Variants in MXD1 observed in about 807,000 individuals in gnomAD.
The protein encoded by MXD1 is MAX-binding protein.
Under a neutral mutation model 25.7 loss-of-function variants are expected in MXD1, and 9 were observed. The observed-to-expected ratio is 0.35, with a 90% CI of 0.21 to 0.61. MXD1 has a LOEUF of 0.61. MXD1 is among the 20% of genes least tolerant of loss of function. MXD1 has a pLI of 0.75. For missense variants in MXD1, 227 were observed against 292.4 expected, an observed-to-expected ratio of 0.78 and a Z score of 1.63; for synonymous variants, 99 against 113.9, an observed-to-expected ratio of 0.87 and a Z score of 0.83.
intron 3 of MXD1, among the ~76,000 whole-genome samples, chr2:69,933,937 A>G (rs140085688): frequency 6.6e-6 from 1 of 152,348 alleles, no homozygotes; most frequent in East Asian, 1.9e-4. Flanking sequence ...GTGTGTGGGC[A>G]ATGAATGTTA....
chr2:69,916,253 G>A, intron 2 of MXD1, 33 bp downstream of exon 2: 2 of 1,317,502 alleles, frequency 1.5e-6, no homozygotes, highest in Non-Finnish European at 2.2e-6. Flanking sequence ...CTGTCTTTTA[G>A]ATTATATTGT....
In MXD1 at chr2:69,942,150, T is replaced by G. The variant is rs1677621100; in HGVS notation, c.*3866T>G. ...TTTCTTGCATGTCAATCTATTCTTTTTCTATGTTTGACTCTGATGCAGTGT... is the reference window on the plus strand; with the variant it reads ...TTTCTTGCATGTCAATCTATTCTTTGTCTATGTTTGACTCTGATGCAGTGT... On this transcript the variant is annotated 3_prime_UTR_variant, in exon 6 of 6. Transcript: ENST00000264444. 6.6e-6 allele frequency: 1 copy of G among 152,218 alleles called. No individual in the cohort carries two copies. The highest frequency in any genetic ancestry group is 1.5e-5 in the Non-Finnish European group (1 of 68,042). 9.4% of individuals were successfully genotyped at this position (152,218 alleles called of 1,614,324 possible).
At chr2:69,937,868 C>A (rs1053598248) in intron 5 of MXD1, among the ~76,000 whole-genome samples, 3 of 152,224 alleles carry the variant, frequency 2.0e-5, no homozygotes, top group Non-Finnish European at 4.4e-5. Context: ...CCCACCTTGG[C>A]CTCCCAAAGT....
At chr2:69,937,102 A>T in intron 4 of MXD1, 133 bp from the exon 5 acceptor site, 1 of 1,161,430 alleles carries the variant, frequency 8.6e-7, no homozygotes, top group South Asian at 1.2e-5. Context: ...TCTCAGGGAG[A>T]AGCTTGATGA....
intron 3 of MXD1, among the ~76,000 whole-genome samples, chr2:69,927,044 G>A (rs1677184274): frequency 6.6e-6 from 1 of 152,202 alleles, no homozygotes; most frequent in African/African-American, 2.4e-5. Context: ...TGTGCTCCAT[G>A]GGGAAGACTC....
At chr2:69,923,581 C>CGTGTGTGT (rs10652254) in intron 3 of MXD1, among the ~76,000 whole-genome samples, 1,890 of 150,400 alleles carry the variant, frequency 0.013, 34 homozygotes, top group African/African-American at 0.04. Flanking sequence ...TATGGAATTT[C>CGTGTGTGT]GTGTGTGTGT....
At position 69,938,876 on chromosome 2, in the gene MXD1, A is replaced by G. The variant is rs948360331; in HGVS notation, c.*592A>G. Reference sequence around the variant, plus strand: ...CGACGCGCCGCGTGTGGATGGGAGCAGTATTTCTCACTTTAAAATGGACAC... The same window carrying G: ...CGACGCGCCGCGTGTGGATGGGAGCGGTATTTCTCACTTTAAAATGGACAC... On this transcript the variant is annotated 3_prime_UTR_variant, in exon 6 of 6. Transcript: ENST00000264444. The G allele has an allele frequency of 6.5e-6, 1 of 152,868 alleles. No homozygotes were observed. The highest frequency in any genetic ancestry group is 1.5e-5 in the Non-Finnish European group (1 of 68,250). The allele number at this position is 152,868 out of a possible 1,614,324, so 9.5% of individuals were successfully genotyped here.
chr2:69,926,339 T>TA (rs553746467), intron 3 of MXD1, among the ~76,000 whole-genome samples: 2 of 144,490 alleles, frequency 1.4e-5, no homozygotes, highest in East Asian at 3.9e-4. Context: ...TTCATTCTCC[T>TA]TTTTTTTTTT....
In MXD1 at chr2:69,915,702, C is replaced by T. The variant is rs1407390729; in HGVS notation, c.73+299C>T. Among the ~76,000 whole-genome samples, 1 of 152,204 alleles carries T rather than the reference C, an allele frequency of 6.6e-6. No individual in the cohort carries two copies. The highest frequency in any genetic ancestry group is 1.9e-4 in the East Asian group (1 of 5,182). The stretch of plus-strand genomic sequence containing the variant: ...GATAGCCTCCCTGGTTTACCTCACC[C>T]GGGCTGGTCCCGGCCGGCCCCCAGG... On this transcript the variant is annotated intron_variant, in intron 1 of 5. Coordinates refer to ENST00000264444, the MANE Select transcript of MXD1 (RefSeq NM_002357.4). This position sits in a 1 kb window ranked among gnomAD's most constrained non-coding sequence, Gnocchi z 5.8.
intron 3 of MXD1, among the ~76,000 whole-genome samples, chr2:69,925,354 T>C (rs560848077): frequency 1.1e-4 from 17 of 152,224 alleles, no homozygotes; most frequent in African/African-American, 3.9e-4. Flanking sequence ...TTGTCCATAG[T>C]TCTAGCACTC....
At chr2:69,931,917 G>A (rs1347975821) in intron 3 of MXD1, among the ~76,000 whole-genome samples, 1 of 152,224 alleles carries the variant, frequency 6.6e-6, no homozygotes, top group African/African-American at 2.4e-5. Context: ...CGGGTGCCAG[G>A]AAGATGGGAG....
At chr2:69,919,608 G>C (rs952464893) in intron 2 of MXD1, among the ~76,000 whole-genome samples, 1 of 152,024 alleles carries the variant, frequency 6.6e-6, no homozygotes, top group Non-Finnish European at 1.5e-5. Flanking sequence ...GCCTCCCAAA[G>C]TGCTGGGATC....
rs192147976 is a variant in MXD1, at chr2:69,936,526, A to G, written c.319-709A>G. ...ATCATATTATAGTTGGACAAATGTT[A>G]CTTTAATTATGGTTAGAAGCCTGCA... On this transcript the variant is annotated intron_variant, in intron 4 of 5. Coordinates refer to ENST00000264444, the MANE Select transcript of MXD1 (RefSeq NM_002357.4). 5.9e-5 allele frequency among the ~76,000 whole-genome samples: 9 copies of G among 152,312 alleles called. No individual in the cohort carries two copies. The East Asian group carries it at 1.4e-3, about 23-fold the overall frequency.
chr2:69,933,657 T>G (rs955069378), intron 3 of MXD1, among the ~76,000 whole-genome samples: 4 of 152,342 alleles, frequency 2.6e-5, no homozygotes, highest in South Asian at 4.1e-4. Context: ...GAAGGAAGTC[T>G]AATGCCTTGC....
intron 2 of MXD1, among the ~76,000 whole-genome samples, chr2:69,919,059 A>AAAATTTTGTTC (rs1427190701): frequency 6.6e-6 from 1 of 152,242 alleles, no homozygotes; most frequent in Non-Finnish European, 1.5e-5. Context: ...TGTAGTTTTA[A>AAAATTTTGTTC]AAATTTTGTT....
At chr2:69,928,905 T>C (rs746372753) in intron 3 of MXD1, among the ~76,000 whole-genome samples, 4 of 152,150 alleles carry the variant, frequency 2.6e-5, no homozygotes, top group Admixed American at 6.5e-5. Flanking sequence ...GTTCTCTCTC[T>C]TTTTTTGAGA....
chr2:69,924,791 G>T (rs1248561173), intron 3 of MXD1, among the ~76,000 whole-genome samples: 1 of 151,996 alleles, frequency 6.6e-6, no homozygotes, highest in Admixed American at 6.6e-5. Context: ...CTTAGGAAAA[G>T]AACTTCTAAC....
chr2:69,935,605 A>G (rs1677412086), intron 4 of MXD1, 140 bp downstream of exon 4: 6 of 649,068 alleles, frequency 9.2e-6, no homozygotes, highest in South Asian at 8.9e-5. Context: ...CAAATGCAAC[A>G]TATTCAAAAC....
rs1234085714 is a variant in MXD1 at position 69,916,230 on chromosome 2, T to C, written c.173+10T>C. On this transcript the variant is annotated intron_variant, in intron 2 of 5. Coordinates refer to ENST00000264444, the MANE Select transcript of MXD1 (RefSeq NM_002357.4). ...ATAACAGCAGTAGCAGGTAATTTGG[T>C]AAATACTTCTTTCTGTCTTTTAGAT... 1 of 1,502,314 alleles carries C rather than the reference T, an allele frequency of 6.7e-7. No homozygotes were observed. The highest frequency in any genetic ancestry group is 1.1e-5 in the South Asian group (1 of 87,798). The allele number at this position is 1,502,314 out of a possible 1,614,324, so 93.1% of individuals were successfully genotyped here.
Sources: allele counts gnomAD v4.1 joint callset (sites outside exome capture counted in the v4.1 genomes callset), GRCh38; gene constraint gnomAD v4.1.1; non-coding constraint Gnocchi (gnomAD v3.1); transcripts MANE v1.5; gene names NCBI Gene and HGNC (gene_info 2026-07-23, HGNC 2026-07-21).